CTXN3: variants seen among roughly 807,000 people sequenced by gnomAD.
The protein encoded by CTXN3 is cortexin 3.
CTXN3 carries 4 observed loss-of-function variants against 5.0 expected under a neutral mutation model. That is an observed-to-expected ratio of 0.79 (90% confidence interval 0.39 to 1.82). The LOEUF is 1.82. CTXN3 is among the 40% of genes most tolerant of loss of function. CTXN3 has a pLI of 0.04. For synonymous variants in CTXN3, 48 were observed against 38.6 expected (o/e 1.24, Z -0.91); for missense variants, 89 against 99.7 (o/e 0.89, Z 0.46).
chr5:127,656,411 T>C (rs1749908453), intron 2 of CTXN3, among the ~76,000 whole-genome samples: 1 of 152,238 alleles, frequency 6.6e-6, no homozygotes, highest in African/African-American at 2.4e-5. Flanking sequence ...TGTTAGCTTG[T>C]CCTTTTCCTT....
chr5:127,655,858 G>C (rs1028474078), intron 2 of CTXN3, among the ~76,000 whole-genome samples: 2 of 152,116 alleles, frequency 1.3e-5, no homozygotes, highest in Non-Finnish European at 2.9e-5. Context: ...CAAAGTGATA[G>C]AGCTGCAAAA....
chr5:127,650,318 G>A (rs898416497), intron 1 of CTXN3, among the ~76,000 whole-genome samples: 2 of 152,118 alleles, frequency 1.3e-5, no homozygotes, highest in African/African-American at 4.8e-5. Flanking sequence ...GACATCTGTA[G>A]CTGAAGACAT....
intron 1 of CTXN3, chr5:127,652,971 A>T (rs1749815459): frequency 6.6e-6 from 1 of 152,228 alleles, no homozygotes; most frequent in Non-Finnish European, 1.5e-5. Flanking sequence ...ACATCTGGGC[A>T]TCAGGCCCAC....
chr5:127,657,554 A>G lies in CTXN3; in HGVS notation c.33A>G (p.Leu11=), dbSNP rs139789028. 2 of 1,614,032 alleles carry G rather than the reference A, an allele frequency of 1.2e-6. No individual in the cohort carries two copies. The highest frequency in any genetic ancestry group is 1.3e-5 in the African/African-American group (1 of 75,050). The stretch of plus-strand genomic sequence containing the variant: ...GAGGACAGCCCATCCCCTCATCCCT[A>G]GTGCCCCTTGGGAACGAATCAGCAG... MDGGQPIPSS[L]VPLGNESADS... is the part of the protein sequence containing the mutation. Residue 11 remains leucine (L), a synonymous_variant, in exon 3 of 3, where the codon CTA becomes CTG. Coordinates refer to ENST00000379445, the MANE Select transcript of CTXN3 (RefSeq NM_001048252.3).
At chr5:127,657,276 C>T in intron 2 of CTXN3, 147 bp from the exon 3 acceptor site, 1 of 480,440 alleles carries the variant, frequency 2.1e-6, no homozygotes, top group Non-Finnish European at 3.7e-6. Context: ...AATATCTTTC[C>T]CGATAATTAT....
chr5:127,656,037 C>T (rs1749900122), intron 2 of CTXN3, among the ~76,000 whole-genome samples: 1 of 152,218 alleles, frequency 6.6e-6, no homozygotes, highest in Non-Finnish European at 1.5e-5. Flanking sequence ...TATAAGTTAA[C>T]TGAAGGAACA....
chr5:127,653,191 C>T (rs1263895806), intron 1 of CTXN3, 126 bp from the exon 2 acceptor site: 3 of 152,132 alleles, frequency 2.0e-5, no homozygotes, highest in South Asian at 2.1e-4. Context: ...TGCTGGGCTT[C>T]GTAAGTAATT....
intron 2 of CTXN3, among the ~76,000 whole-genome samples, chr5:127,656,260 C>T (rs1219002204): frequency 5.3e-5 from 8 of 152,032 alleles, no homozygotes; most frequent in Non-Finnish European, 1.0e-4. Flanking sequence ...AAGTAGATTT[C>T]GTTCAGTATC....
chr5:127,651,389 A>C (rs1749783514), intron 1 of CTXN3, among the ~76,000 whole-genome samples: 2 of 152,232 alleles, frequency 1.3e-5, no homozygotes, highest in South Asian at 4.2e-4. Flanking sequence ...TGCACCCTAC[A>C]GGCCGTTAAC....
At chr5:127,650,311 A>G (rs942392028) in intron 1 of CTXN3, among the ~76,000 whole-genome samples, 1 of 152,144 alleles carries the variant, frequency 6.6e-6, no homozygotes, top group Non-Finnish European at 1.5e-5. Context: ...GCCTGTTGAC[A>G]TCTGTAGCTG....
chr5:127,655,062 A>G lies in CTXN3; in HGVS notation c.-100+1639A>G, dbSNP rs188683667. Among the ~76,000 whole-genome samples the G allele has an allele frequency of 1.6e-3, 242 of 152,024 alleles. 1 individual carries two copies. In the East Asian group the frequency reaches 0.04, roughly 25 times the overall value. ...GTGGATCACCTGAGGTCAGGAGTTC[A>G]AGACCAGCCTGACCAACATGGAGAA... On this transcript the variant is annotated intron_variant, in intron 2 of 2. Coordinates refer to ENST00000379445, the MANE Select transcript of CTXN3 (RefSeq NM_001048252.3).
At chr5:127,655,215 A>G (rs1426040829) in intron 2 of CTXN3, among the ~76,000 whole-genome samples, 1 of 152,186 alleles carries the variant, frequency 6.6e-6, no homozygotes, top group Non-Finnish European at 1.5e-5. Flanking sequence ...GTGAGCTGAG[A>G]TCGCACCATT....
Position 127,658,366 on chromosome 5 carries a change from T to A in CTXN3, c.*599T>A, listed in dbSNP as rs118171155. 2,111 of 167,642 alleles carry A rather than the reference T, an allele frequency of 0.013. 161 individuals are homozygous for A. Among genetic ancestry groups the A allele is most frequent in the Admixed American group, 0.11 (1,650 of 15,346 alleles). 10.4% of individuals were successfully genotyped at this position (167,642 alleles called of 1,614,324 possible). A position where few individuals can be genotyped will look rare whatever the true frequency, so the allele number is the denominator to read the frequency against. ...TAGCGTTTTGTTTTTCAAGTAAAAC[T>A]TAATTCAAAGGCTACAAAGTTTTAA... On this transcript the variant is annotated 3_prime_UTR_variant, in exon 3 of 3. Coordinates refer to ENST00000379445, the MANE Select transcript of CTXN3 (RefSeq NM_001048252.3).
At chr5:127,654,371 C>T (rs753663046) in intron 2 of CTXN3, among the ~76,000 whole-genome samples, 33 of 152,140 alleles carry the variant, frequency 2.2e-4, no homozygotes, top group Non-Finnish European at 4.1e-4. Context: ...AGAGGGTTAA[C>T]CTTTCCTTTG....
At chr5:127,652,830 G>C (rs1013591925) in intron 1 of CTXN3, among the ~76,000 whole-genome samples, 2 of 152,182 alleles carry the variant, frequency 1.3e-5, no homozygotes, top group African/African-American at 4.8e-5. Flanking sequence ...AGTTTATTCT[G>C]ATCAACACAT....
chr5:127,653,233 A>C (rs1749822245), intron 1 of CTXN3, 84 bp from the exon 2 acceptor site: 1 of 152,240 alleles, frequency 6.6e-6, no homozygotes, highest in Admixed American at 6.5e-5. Flanking sequence ...CAGTATCACA[A>C]GGGAGCTTGA....
chr5:127,654,624 G>A (rs528073228), intron 2 of CTXN3, among the ~76,000 whole-genome samples: 1 of 152,304 alleles, frequency 6.6e-6, no homozygotes, highest in Non-Finnish European at 1.5e-5. Flanking sequence ...TAAATCCTGA[G>A]TTGTGGGTGA....
rs544206204 is a variant in CTXN3, at chr5:127,656,325, T to C, written c.-99-1098T>C. Among the ~76,000 whole-genome samples the C allele has an allele frequency of 5.3e-5, 8 of 152,318 alleles. No individual in the cohort carries two copies. In the South Asian group the frequency reaches 1.7e-3, roughly 32 times the overall value. ...TGTCATGTATATACTTGTATATTTA[T>C]ACGGTAATATACACTTGTATATTTA... is the stretch of plus-strand genomic sequence containing the variant. On this transcript the variant is annotated intron_variant, in intron 2 of 2. Coordinates refer to ENST00000379445, the MANE Select transcript of CTXN3 (RefSeq NM_001048252.3).
rs144164028 is a variant in CTXN3 at position 127,656,839 on chromosome 5, C to T, written c.-99-584C>T. Among the ~76,000 whole-genome samples, 13 of 152,302 alleles carry T rather than the reference C, an allele frequency of 8.5e-5. No individual in the cohort carries two copies. In the East Asian group the frequency reaches 2.5e-3, roughly 29 times the overall value. On this transcript the variant is annotated intron_variant, in intron 2 of 2. Coordinates refer to ENST00000379445, the MANE Select transcript of CTXN3 (RefSeq NM_001048252.3). Reference sequence around the variant, plus strand: ...TACAGCTTAGTGACCTCTCCAAGGTCCCACACCCGTTTTGCAGTAGAGTGG... The same window carrying T: ...TACAGCTTAGTGACCTCTCCAAGGTTCCACACCCGTTTTGCAGTAGAGTGG...
Sources: allele counts gnomAD v4.1 joint callset (sites outside exome capture counted in the v4.1 genomes callset), GRCh38; gene constraint gnomAD v4.1.1; transcripts MANE v1.5; gene names NCBI Gene and HGNC (gene_info 2026-07-23, HGNC 2026-07-21).